The following OSBPL10 variants were observed in gnomAD, a reference collection of about 807,000 sequenced individuals.
OSBPL10 encodes the protein oxysterol binding protein like 10, also known as oxysterol-binding protein-related protein 10.
In OSBPL10, 49 loss-of-function variants were observed where a neutral mutation model predicts 81.7. The observed-to-expected ratio is 0.60, with a 90% CI of 0.48 to 0.76. The LOEUF is 0.76. Among genes scored for constraint, OSBPL10 ranks in the 30% least tolerant of loss-of-function variants. The probability of loss-of-function intolerance (pLI) is 0.00; values close to 1 mark genes in which losing one functional copy is unlikely to be tolerated. For missense variants in OSBPL10, 923 were observed against 987.8 expected (o/e 0.93, Z 0.88); for synonymous variants, 419 against 383.6 (o/e 1.09, Z -1.08).
At chr3:31,956,538 G>T (rs938623422) in intron 1 of OSBPL10, among the ~76,000 whole-genome samples, 2 of 152,174 alleles carry the variant, frequency 1.3e-5, no homozygotes, top group Non-Finnish European at 2.9e-5. Context: ...GGCCAACATG[G>T]CGAAACCCTG....
rs79738416 is a variant in OSBPL10 at position 31,663,125 on chromosome 3, A to G, written c.2250+954T>C. On this transcript the variant is annotated intron_variant, in intron 11 of 11. Transcript: ENST00000396556. Reference sequence around the variant, plus strand: ...TCACTTCTCAGCCTCGTATATAGACAGAATAATCCCTCTTTGTAGCAGAAG... The same window carrying G: ...TCACTTCTCAGCCTCGTATATAGACGGAATAATCCCTCTTTGTAGCAGAAG... 5.7e-4 allele frequency: 557 copies of G among 985,460 alleles called. 2 individuals carry two copies. The African/African-American group carries it at 9.2e-3, about 16-fold the overall frequency. 61.0% of individuals were successfully genotyped at this position (985,460 alleles called of 1,614,324 possible).
chr3:31,685,779 C>A (rs1048427633), intron 7 of OSBPL10, among the ~76,000 whole-genome samples: 10 of 152,164 alleles, frequency 6.6e-5, no homozygotes, highest in African/African-American at 2.2e-4. Context: ...AGATCTGTAA[C>A]CCTGACTCTA....
rs142300702 is a variant in OSBPL10 at position 32,018,563 on chromosome 3, G to A, written n.298+27928C>T. Among the ~76,000 whole-genome samples, 603 of 152,260 alleles carry A rather than the reference G, an allele frequency of 4.0e-3. 5 individuals carry two copies. The highest frequency in any genetic ancestry group is 0.014 in the African/African-American group (573 of 41,544). On this transcript the variant is annotated intron_variant and non_coding_transcript_variant, in intron 2 of 3. Coordinates refer to the OSBPL10 transcript ENST00000479173. ...AAAATGCTGTAAAAATGCAAGACAC[G>A]GGTGAGGTCATGTGTGCCTGTAGTT...
intron 2 of OSBPL10, among the ~76,000 whole-genome samples, chr3:32,025,989 A>G (rs189684250): frequency 1.1e-4 from 16 of 149,950 alleles, no homozygotes; most frequent in Admixed American, 2.0e-4. Context: ...AACATGATAT[A>G]TGGAGCCTTT....
At chr3:31,768,720 C>G (rs747932838) in intron 4 of OSBPL10, among the ~76,000 whole-genome samples, 1 of 152,148 alleles carries the variant, frequency 6.6e-6, no homozygotes. Flanking sequence ...CTGTGCCACC[C>G]CAACGCATCA....
chr3:31,964,887 G>A (rs1698270528), intron 1 of OSBPL10, among the ~76,000 whole-genome samples: 2 of 152,134 alleles, frequency 1.3e-5, no homozygotes, highest in South Asian at 4.1e-4. Flanking sequence ...TATGAGCAGA[G>A]GGTGTACTTT....
chr3:31,854,230 C>G (rs1700848741), intron 3 of OSBPL10, among the ~76,000 whole-genome samples: 2 of 151,818 alleles, frequency 1.3e-5, no homozygotes, highest in African/African-American at 4.8e-5. Flanking sequence ...CCAAACTGAC[C>G]CCAGTGGTGG....
chr3:31,989,813 T>C (rs574118175), intron 2 of OSBPL10: 2 of 1,614,160 alleles, frequency 1.2e-6, no homozygotes, highest in Admixed American at 1.7e-5. Context: ...AGCTCACTCT[T>C]AAGGAAACAT....
chr3:31,868,877 A>G (rs1463599979), intron 3 of OSBPL10, among the ~76,000 whole-genome samples: 1 of 152,200 alleles, frequency 6.6e-6, no homozygotes, highest in African/African-American at 2.4e-5. Context: ...CCACTCCCAA[A>G]TATTGACTTT....
chr3:31,809,422 A>G (rs1197945264), intron 4 of OSBPL10, among the ~76,000 whole-genome samples: 12 of 152,232 alleles, frequency 7.9e-5, no homozygotes, highest in African/African-American at 2.7e-4. Context: ...CTCCTGAGGA[A>G]CACAAACAAA....
chr3:31,697,504 C>A (rs1342670207), intron 7 of OSBPL10, among the ~76,000 whole-genome samples: 1 of 152,132 alleles, frequency 6.6e-6, no homozygotes, highest in Non-Finnish European at 1.5e-5. Flanking sequence ...ATTATTCTAG[C>A]TGTTCAGGCC....
intron 6 of OSBPL10, chr3:31,714,700 G>T: frequency 6.6e-6 from 1 of 152,318 alleles, no homozygotes; most frequent in Non-Finnish European, 1.5e-5. Context: ...AGTCACCCAG[G>T]CTTGAGACCT....
At chr3:31,933,431 G>GT (rs1308481163) in intron 1 of OSBPL10, among the ~76,000 whole-genome samples, 1 of 151,364 alleles carries the variant, frequency 6.6e-6, no homozygotes, top group Non-Finnish European at 1.5e-5. Context: ...AGGAGACAGG[G>GT]TCTCTTGCTG....
chr3:32,036,201 C>T (rs1699517083), intron 2 of OSBPL10, among the ~76,000 whole-genome samples: 1 of 152,184 alleles, frequency 6.6e-6, no homozygotes, highest in African/African-American at 2.4e-5. Flanking sequence ...GCATGTGACA[C>T]CACGCCCGGC....
intron 3 of OSBPL10, among the ~76,000 whole-genome samples, chr3:31,857,400 T>C (rs1442368988): frequency 6.6e-6 from 1 of 152,068 alleles, no homozygotes; most frequent in East Asian, 1.9e-4. Context: ...TTACTGAACA[T>C]CTTCAAGGAC....
chr3:32,010,654 C>T lies in OSBPL10; in HGVS notation n.298+35837G>A, dbSNP rs557632733. On this transcript the variant is annotated intron_variant and non_coding_transcript_variant, in intron 2 of 3. Coordinates refer to the OSBPL10 transcript ENST00000479173. ...GAAGCAGGGCGAGGCATCACTTCACCCAGGAAGTGCAAGGGGTCAGGGAAT... is the reference window on the plus strand; with the variant it reads ...GAAGCAGGGCGAGGCATCACTTCACTCAGGAAGTGCAAGGGGTCAGGGAAT... Among the ~76,000 whole-genome samples the T allele has an allele frequency of 1.4e-4, 21 of 152,280 alleles. No homozygotes were observed. The East Asian group carries it at 4.1e-3, about 29-fold the overall frequency.
chr3:32,074,200 G>C (rs893352194), intron 1 of OSBPL10, among the ~76,000 whole-genome samples: 1 of 152,076 alleles, frequency 6.6e-6, no homozygotes, highest in Admixed American at 6.6e-5. Flanking sequence ...TTACTTTCTA[G>C]ACAGATTTGG....
intron 8 of OSBPL10, among the ~76,000 whole-genome samples, chr3:31,681,023 T>C (rs552332678): frequency 6.6e-6 from 1 of 152,306 alleles, no homozygotes; most frequent in South Asian, 2.1e-4. Context: ...TAAAGATAGA[T>C]GTATTTTTAC....
At chr3:31,667,456 A>AAT (rs1283689733) in intron 10 of OSBPL10, among the ~76,000 whole-genome samples, 2 of 152,250 alleles carry the variant, frequency 1.3e-5, no homozygotes, top group African/African-American at 4.8e-5. Context: ...CCCAGTTATT[A>AAT]ATATAATGTA....
Sources: gnomAD v4.1 joint callset for allele counts (sites outside exome capture counted in the v4.1 genomes callset) on GRCh38, gnomAD v4.1.1 for gene constraint, MANE v1.5 for transcripts, NCBI Gene and HGNC (gene_info 2026-07-23, HGNC 2026-07-21) for gene names.